The following ROBO2 variants were observed in gnomAD, a reference collection of about 807,000 sequenced individuals.
The protein encoded by ROBO2 is roundabout guidance receptor 2.
Under a neutral mutation model 160.8 loss-of-function variants are expected in ROBO2, and 53 were observed. The ratio of observed to expected loss-of-function variants is 0.33; its 90% CI spans 0.26 to 0.41. The LOEUF (loss-of-function observed/expected upper bound fraction) is 0.41, where lower values mean the gene tolerates loss of function less well. Ranked by LOEUF, ROBO2 falls within the 10% of genes least tolerant of loss-of-function variation. The probability of loss-of-function intolerance (pLI) is 1.00; values close to 1 mark genes in which losing one functional copy is unlikely to be tolerated. For synonymous variants in ROBO2, 664 were observed against 611.7 expected (o/e 1.09, Z -1.26); for missense variants, 1,577 against 1,722.4 (o/e 0.92, Z 1.49).
chr3:77,442,336 A>G (rs954692624), intron 2 of ROBO2, among the ~76,000 whole-genome samples: 1 of 151,964 alleles, frequency 6.6e-6, no homozygotes, highest in South Asian at 2.1e-4. Flanking sequence ...AAAAAATTAC[A>G]TTCATGAGTC....
At chr3:77,387,276 G>A (rs1264175108) in intron 2 of ROBO2, among the ~76,000 whole-genome samples, 1 of 149,568 alleles carries the variant, frequency 6.7e-6, no homozygotes, top group African/African-American at 2.5e-5. Flanking sequence ...GCTGAGGCAG[G>A]AGGATTGCCT....
chr3:76,147,217 A>C (rs534231876), intron 2 of ROBO2, among the ~76,000 whole-genome samples: 1 of 151,944 alleles, frequency 6.6e-6, no homozygotes, highest in African/African-American at 2.4e-5. Flanking sequence ...AAATATGTTG[A>C]GTTTGTAATA....
chr3:76,443,083 G>A (rs930754293), intron 2 of ROBO2, among the ~76,000 whole-genome samples: 1 of 151,912 alleles, frequency 6.6e-6, no homozygotes, highest in Non-Finnish European at 1.5e-5. Context: ...ATGATGGAAG[G>A]AGAAGGGGAG....
chr3:76,230,008 G>A (rs1171501860), intron 2 of ROBO2, among the ~76,000 whole-genome samples: 1 of 152,100 alleles, frequency 6.6e-6, no homozygotes, highest in African/African-American at 2.4e-5. Context: ...AGGCAGGAAA[G>A]GAGACCCTGG....
chr3:77,326,136 G>C (rs1003179387), intron 2 of ROBO2, among the ~76,000 whole-genome samples: 4 of 152,128 alleles, frequency 2.6e-5, no homozygotes, highest in African/African-American at 9.7e-5. Flanking sequence ...AGCTTTTCTG[G>C]AGTAACCGTG....
intron 2 of ROBO2, among the ~76,000 whole-genome samples, chr3:76,546,547 A>G (rs962700997): frequency 1.3e-5 from 2 of 151,946 alleles, no homozygotes; most frequent in Non-Finnish European, 2.9e-5. Context: ...AGGGAAGAAG[A>G]GGAAGAAGGG....
At chr3:77,577,398 C>G (rs1279583396) in intron 14 of ROBO2, 92 bp from the exon 16 acceptor site, 40 of 1,555,092 alleles carry the variant, frequency 2.6e-5, no homozygotes, top group Non-Finnish European at 3.5e-5. Context: ...CCAGAGTCTC[C>G]TGCAACTTGT....
intron 2 of ROBO2, among the ~76,000 whole-genome samples, chr3:76,275,532 C>T (rs1707868812): frequency 6.6e-6 from 1 of 152,094 alleles, no homozygotes; most frequent in South Asian, 2.1e-4. Flanking sequence ...GTGACTATTT[C>T]TAATACACAG....
At chr3:75,964,949 T>C (rs546268550) in intron 2 of ROBO2, 12 of 151,740 alleles carry the variant, frequency 7.9e-5, no homozygotes, top group African/African-American at 2.2e-4. Context: ...AACTGTCAAT[T>C]TATTTATTTA....
intron 2 of ROBO2, among the ~76,000 whole-genome samples, chr3:76,425,063 A>C (rs1577100113): frequency 6.6e-6 from 1 of 152,050 alleles, no homozygotes; most frequent in East Asian, 1.9e-4. Flanking sequence ...ACCCTTATAA[A>C]TTCACTCTCA....
At chr3:76,915,147 T>C (rs1412288137) in intron 2 of ROBO2, among the ~76,000 whole-genome samples, 1 of 152,186 alleles carries the variant, frequency 6.6e-6, no homozygotes, top group Non-Finnish European at 1.5e-5. Flanking sequence ...TTCTTGTTGT[T>C]CTCCCCTGCC....
intron 2 of ROBO2, among the ~76,000 whole-genome samples, chr3:76,424,893 GC>G (rs1235709858): frequency 6.6e-6 from 1 of 152,100 alleles, no homozygotes; most frequent in African/African-American, 2.4e-5. Flanking sequence ...GGCGTGCATG[GC>G]ACAAACAGCT....
At chr3:77,217,702 T>C (rs2085166779) in intron 2 of ROBO2, among the ~76,000 whole-genome samples, 2 of 152,210 alleles carry the variant, frequency 1.3e-5, no homozygotes, top group East Asian at 1.9e-4. Context: ...GCATGACACC[T>C]AAAGGAAACC....
At chr3:76,703,106 A>G (rs1267305806) in intron 2 of ROBO2, among the ~76,000 whole-genome samples, 6 of 152,162 alleles carry the variant, frequency 3.9e-5, no homozygotes, top group Non-Finnish European at 7.3e-5. Flanking sequence ...TTCCTTCAGT[A>G]TATATCCAGA....
chr3:76,598,343 G>T (rs1264898948), intron 2 of ROBO2, among the ~76,000 whole-genome samples: 1 of 152,030 alleles, frequency 6.6e-6, no homozygotes, highest in Non-Finnish European at 1.5e-5. Flanking sequence ...TTTAATAAAA[G>T]GAGAATTCAA....
At chr3:76,779,293 C>T (rs764847536) in intron 2 of ROBO2, among the ~76,000 whole-genome samples, 7 of 150,932 alleles carry the variant, frequency 4.6e-5, no homozygotes, top group African/African-American at 7.3e-5. Context: ...AAAATATACC[C>T]GTCACCTCCC....
intron 2 of ROBO2, among the ~76,000 whole-genome samples, chr3:77,114,297 G>T (rs2150207850): frequency 6.6e-6 from 1 of 152,176 alleles, no homozygotes; most frequent in South Asian, 2.1e-4. Flanking sequence ...TATTTCTAAG[G>T]TATCATGTAT....
intron 2 of ROBO2, among the ~76,000 whole-genome samples, chr3:76,403,196 C>G (rs1047317589): frequency 4.0e-5 from 6 of 151,528 alleles, no homozygotes; most frequent in African/African-American, 1.5e-4. Context: ...TAAACGTGTT[C>G]AGACTTGACT....
chr3:76,732,297 A>G (rs774604), intron 2 of ROBO2, among the ~76,000 whole-genome samples: 32,144 of 152,132 alleles, frequency 0.21, 3,408 homozygotes, highest in African/African-American at 0.22. Flanking sequence ...AGTTGAAGCC[A>G]GAAAGATAAA....
Sources: allele counts gnomAD v4.1 joint callset (sites outside exome capture counted in the v4.1 genomes callset), GRCh38; gene constraint gnomAD v4.1.1; transcripts MANE v1.5; gene names NCBI Gene and HGNC (gene_info 2026-07-23, HGNC 2026-07-21).